PDZD2: variants seen among roughly 807,000 people sequenced by gnomAD.
The protein encoded by PDZD2 is PDZ domain-containing protein 2.
In PDZD2, 90 loss-of-function variants were observed where a neutral mutation model predicts 220.7. The ratio of observed to expected loss-of-function variants is 0.41; its 90% CI spans 0.34 to 0.49. The LOEUF is 0.49. PDZD2 is among the 20% of genes least tolerant of loss of function. PDZD2 has a pLI of 0.28. For synonymous variants in PDZD2, 1,375 were observed against 1,450.5 expected, an observed-to-expected ratio of 0.95 and a Z score of 1.18; for missense variants, 3,174 against 3,608.5, an observed-to-expected ratio of 0.88 and a Z score of 3.08.
chr5:32,033,936 G>C (rs566869815), intron 6 of PDZD2, among the ~76,000 whole-genome samples: 23 of 152,176 alleles, frequency 1.5e-4, no homozygotes, highest in Non-Finnish European at 3.1e-4. Context: ...ACCATCTTTA[G>C]CATAAGATTT....
At chr5:31,871,572 T>C (rs1738798160) in intron 2 of PDZD2, among the ~76,000 whole-genome samples, 1 of 151,962 alleles carries the variant, frequency 6.6e-6, no homozygotes, top group African/African-American at 2.4e-5. Context: ...TGCCTCAGCC[T>C]CCTGAGTAGC....
intron 6 of PDZD2, among the ~76,000 whole-genome samples, chr5:32,026,945 C>T (rs912754505): frequency 3.9e-5 from 6 of 152,204 alleles, no homozygotes; most frequent in Non-Finnish European, 7.3e-5. Flanking sequence ...CTCTGTCGCC[C>T]AGGCTGGAGT....
intron 5 of PDZD2, among the ~76,000 whole-genome samples, chr5:32,007,246 C>T (rs1021462633): frequency 1.3e-5 from 2 of 151,920 alleles, no homozygotes; most frequent in Non-Finnish European, 2.9e-5. Flanking sequence ...CTCTTGGCCT[C>T]AACTGATCCA....
intron 1 of PDZD2, among the ~76,000 whole-genome samples, chr5:31,663,950 A>G (rs1013761766): frequency 1.3e-5 from 2 of 152,082 alleles, no homozygotes; most frequent in Non-Finnish European, 2.9e-5. Flanking sequence ...TAAGAAGATT[A>G]CTGCTTACTA....
chr5:31,719,185 T>C (rs1431574800), intron 1 of PDZD2, among the ~76,000 whole-genome samples: 1 of 152,152 alleles, frequency 6.6e-6, no homozygotes, highest in African/African-American at 2.4e-5. Context: ...AATATTCAGG[T>C]GGCCAATAAT....
rs1389683459 is a variant in PDZD2 at position 31,973,676 on chromosome 5, T to C, written c.477-9479T>C. Reference sequence around the variant, plus strand: ...ATGCAATCATAGAGTAAAATATCTATCTCTTTCTTACTCCTCTTAATATAA... The same window carrying C: ...ATGCAATCATAGAGTAAAATATCTACCTCTTTCTTACTCCTCTTAATATAA... On this transcript the variant is annotated intron_variant, in intron 2 of 24. Coordinates refer to ENST00000438447, the MANE Select transcript of PDZD2 (RefSeq NM_178140.4). Among the ~76,000 whole-genome samples the C allele has an allele frequency of 5.3e-5, 8 of 152,296 alleles. No individual in the cohort carries two copies. The East Asian group carries it at 1.5e-3, about 29-fold the overall frequency.
At position 31,762,272 on chromosome 5, in the gene PDZD2, TTTG is replaced by T. The variant is rs549890419; in HGVS notation, c.-360-36593_-360-36591del. 4.5e-3 allele frequency among the ~76,000 whole-genome samples: 686 copies of T among 152,028 alleles called. 3 individuals carry two copies. The highest frequency in any genetic ancestry group is 0.016 in the African/African-American group (654 of 41,476). ...GCTGAGATACGGGCACTTGGTTTTGTTTGTTGTTGTTGTTGTTGTTGTTGTTTT... is the reference window on the plus strand; with the variant it reads ...GCTGAGATACGGGCACTTGGTTTTGTTTGTTGTTGTTGTTGTTGTTGTTTT... On this transcript the variant is annotated intron_variant, in intron 1 of 24. Transcript: ENST00000438447.
intron 2 of PDZD2, among the ~76,000 whole-genome samples, chr5:31,813,609 A>T (rs540678956): frequency 6.6e-6 from 1 of 152,218 alleles, no homozygotes; most frequent in African/African-American, 2.4e-5. Flanking sequence ...TTTTAAAAAC[A>T]TAATTGCTTA....
At chr5:31,776,473 T>TATTTATTTATTTATTTATTC in intron 1 of PDZD2, among the ~76,000 whole-genome samples, 1 of 150,916 alleles carries the variant, frequency 6.6e-6, no homozygotes, top group African/African-American at 2.4e-5. Flanking sequence ...TTTATTTATT[T>TATTTATTTATTTATTTATTC]ATTTATTTAT....
intron 2 of PDZD2, among the ~76,000 whole-genome samples, chr5:31,916,459 G>GTTCATCTTTTTGTTGCCTC (rs1561067966): frequency 1.3e-5 from 2 of 152,258 alleles, no homozygotes; most frequent in African/African-American, 4.8e-5. Context: ...GACAGTGCCT[G>GTTCATCTTTTTGTTGCCTC]TTCATCTTTT....
chr5:31,984,461 G>A (rs547636839), intron 3 of PDZD2, among the ~76,000 whole-genome samples: 23 of 152,310 alleles, frequency 1.5e-4, no homozygotes, highest in African/African-American at 4.8e-4. Context: ...AACTGCCTAC[G>A]TGGATGCTGA....
chr5:31,718,691 CTCA>C (rs1748599122), intron 1 of PDZD2, among the ~76,000 whole-genome samples: 1 of 146,954 alleles, frequency 6.8e-6, no homozygotes, highest in Non-Finnish European at 1.5e-5. Context: ...CTGTAACAGC[CTCA>C]TTTTTTTTTT....
chr5:31,691,042 G>C (rs1229861287), intron 1 of PDZD2, among the ~76,000 whole-genome samples: 1 of 152,236 alleles, frequency 6.6e-6, no homozygotes, highest in Non-Finnish European at 1.5e-5. Flanking sequence ...GTGGGTTCTT[G>C]GTCTCACTGA....
intron 1 of PDZD2, chr5:31,744,145 T>G (rs1031528160): frequency 1.3e-5 from 2 of 152,236 alleles, no homozygotes; most frequent in African/African-American, 4.8e-5. Context: ...AATCTTTTTC[T>G]TGGCATCATT....
intron 2 of PDZD2, among the ~76,000 whole-genome samples, chr5:31,980,408 A>AT (rs557739752): frequency 1.6e-3 from 242 of 152,364 alleles, no homozygotes; most frequent in Non-Finnish European, 2.4e-3. Flanking sequence ...ATATGGATAT[A>AT]TCAACAGTTG....
At chr5:31,864,036 A>G (rs1737972510) in intron 2 of PDZD2, among the ~76,000 whole-genome samples, 1 of 152,114 alleles carries the variant, frequency 6.6e-6, no homozygotes, top group African/African-American at 2.4e-5. Context: ...TGTGAACTGC[A>G]GCATCTGGAC....
intron 19 of PDZD2, among the ~76,000 whole-genome samples, chr5:32,086,421 C>T (rs922994387): frequency 6.6e-6 from 1 of 152,190 alleles, no homozygotes; most frequent in African/African-American, 2.4e-5. Flanking sequence ...ATGATTAAAT[C>T]AGGGTAATCA....
chr5:31,885,794 T>C (rs921712343), intron 2 of PDZD2, among the ~76,000 whole-genome samples: 1 of 152,102 alleles, frequency 6.6e-6, no homozygotes, highest in African/African-American at 2.4e-5. Flanking sequence ...GTCCAGAAGG[T>C]TGACATGAAA....
intron 19 of PDZD2, 172 bp downstream of exon 19, chr5:32,077,778 G>A (rs773401867): frequency 1.7e-6 from 1 of 576,312 alleles, no homozygotes; most frequent in Non-Finnish European, 3.1e-6. Flanking sequence ...CCAACATGGT[G>A]AAACCCCATC....
Sources: gnomAD v4.1 joint callset for allele counts (sites outside exome capture counted in the v4.1 genomes callset) on GRCh38, gnomAD v4.1.1 for gene constraint, MANE v1.5 for transcripts, NCBI Gene and HGNC (gene_info 2026-07-23, HGNC 2026-07-21) for gene names.